STAT5B: variants seen among roughly 807,000 people sequenced by gnomAD.
STAT5B encodes transcription factor STAT5B.
STAT5B carries 21 observed loss-of-function variants against 107.8 expected under a neutral mutation model. The ratio of observed to expected loss-of-function variants is 0.19; its 90% CI spans 0.14 to 0.28. The LOEUF (loss-of-function observed/expected upper bound fraction) is 0.28, where lower values mean the gene tolerates loss of function less well. Among genes scored for constraint, STAT5B ranks in the 10% least tolerant of loss-of-function variants. STAT5B has a pLI of 1.00. For synonymous variants in STAT5B, 325 were observed against 401.7 expected, an observed-to-expected ratio of 0.81 and a Z score of 2.28; for missense variants, 565 against 1,008.2, an observed-to-expected ratio of 0.56 and a Z score of 5.95.
At position 42,227,589 on chromosome 17, in the gene STAT5B, C is replaced by T; in HGVS notation, c.225G>A (p.Gln75=). The change falls in exon 3 of 19, where the codon CAG becomes CAA. Residue 75 remains glutamine, a synonymous_variant. Transcript: ENST00000293328. ...VQELQKKAEH[Q]VGEDGFLLKI... ...TCAGTAAAAACCCATCTTCCCCCAC[C>T]TGGTGCTCTGCCTTCTTCTGCAGCT... 3 of 1,613,892 alleles carry T rather than the reference C, an allele frequency of 1.9e-6. No individual in the cohort carries two copies. Among genetic ancestry groups the T allele is most frequent in the East Asian group, 2.2e-5 (1 of 44,882 alleles).
At chr17:42,283,442 A>C in the STAT5B span, among the ~76,000 whole-genome samples, 1 of 152,194 alleles carries the variant, frequency 6.6e-6, no homozygotes, top group African/African-American at 2.4e-5. Context: ...TCCAGAAAGA[A>C]ACCGGCCTAC....
chr17:42,220,297 G>A lies in STAT5B; in HGVS notation c.551-455C>T, dbSNP rs544803602. ...AGATTCTCGGCACCTGCCTCAGTGG[G>A]GTGCATTAAGATTAAATACATGAGG... On this transcript the variant is annotated intron_variant, in intron 5 of 18. Coordinates refer to ENST00000293328, the MANE Select transcript of STAT5B (RefSeq NM_012448.4). 3.9e-3 allele frequency among the ~76,000 whole-genome samples: 593 copies of A among 152,314 alleles called. 2 individuals carry two copies. The highest frequency in any genetic ancestry group is 5.6e-3 in the Non-Finnish European group (384 of 68,036).
intron 1 of STAT5B, among the ~76,000 whole-genome samples, chr17:42,262,918 GTGTGTA>G (rs2080621352): frequency 5.2e-5 from 5 of 96,266 alleles, no homozygotes; most frequent in South Asian, 3.7e-4. Context: ...GTATATATAT[GTGTGTA>G]TATATATATG....
chr17:42,251,395 G>T (rs575814382), intron 1 of STAT5B, among the ~76,000 whole-genome samples: 1 of 152,090 alleles, frequency 6.6e-6, no homozygotes, highest in Non-Finnish European at 1.5e-5. Context: ...TTCCTTAAGG[G>T]GCTTCCATTA....
At chr17:42,260,986 A>G (rs1256362153) in intron 1 of STAT5B, among the ~76,000 whole-genome samples, 1 of 149,256 alleles carries the variant, frequency 6.7e-6, no homozygotes, top group Non-Finnish European at 1.5e-5. Flanking sequence ...GTGCAATCTC[A>G]GCTCACTGCA....
rs1215539231 is a variant in STAT5B, at chr17:42,276,045, C to T, written c.-11+203G>A. 6.6e-6 allele frequency among the ~76,000 whole-genome samples: 1 copy of T among 151,468 alleles called. No homozygotes were observed. The highest frequency in any genetic ancestry group is 1.5e-5 in the Non-Finnish European group (1 of 67,790). ...GTCCCCCTCGCGCACCCCGCATTGC[C>T]CTCAGCCTCCCCGGCAGCCAACCCG... On this transcript the variant is annotated intron_variant, in intron 1 of 18. Coordinates refer to ENST00000293328, the MANE Select transcript of STAT5B (RefSeq NM_012448.4). This position sits in a 1 kb window ranked among gnomAD's most constrained non-coding sequence, Gnocchi z 4.8.
At chr17:42,268,633 T>G (rs1000134836) in intron 1 of STAT5B, 6 of 152,112 alleles carry the variant, frequency 3.9e-5, no homozygotes, top group African/African-American at 1.4e-4. Flanking sequence ...TAGCTTTCCC[T>G]CACTTTCTAT....
At chr17:42,244,430 A>C (rs1281615633) in intron 1 of STAT5B, among the ~76,000 whole-genome samples, 1 of 151,880 alleles carries the variant, frequency 6.6e-6, no homozygotes, top group African/African-American at 2.4e-5. Context: ...TTTGTACTGT[A>C]ATTCAAGATC....
intron 3 of STAT5B, 70 bp from the exon 4 acceptor site, chr17:42,224,938 TGGGGAGCCTCCTGA>T: frequency 6.5e-7 from 1 of 1,528,610 alleles, no homozygotes; most frequent in East Asian, 2.3e-5. Context: ...TGCCTCAGGA[TGGGGAGCCTCCTGA>T]GGGACCTCCT....
the STAT5B span, among the ~76,000 whole-genome samples, chr17:42,284,511 C>A: frequency 6.6e-6 from 1 of 152,232 alleles, no homozygotes; most frequent in Non-Finnish European, 1.5e-5. Flanking sequence ...AGGTGATGCA[C>A]CCGCCTCAGC....
chr17:42,238,485 C>T (rs1456212697), intron 1 of STAT5B, among the ~76,000 whole-genome samples: 4 of 131,624 alleles, frequency 3.0e-5, no homozygotes, highest in Non-Finnish European at 4.7e-5. Flanking sequence ...GGCAGAGTCT[C>T]GTTCTGTCAC....
chr17:42,247,215 C>A (rs1310337032), intron 1 of STAT5B, among the ~76,000 whole-genome samples: 2 of 152,188 alleles, frequency 1.3e-5, no homozygotes, highest in African/African-American at 4.8e-5. Context: ...CTTCACCCAA[C>A]CATCTCTGCC....
chr17:42,218,111 G>A, intron 9 of STAT5B, 40 bp downstream of exon 9: 1 of 1,603,802 alleles, frequency 6.2e-7, no homozygotes, highest in Non-Finnish European at 8.5e-7. Flanking sequence ...GCCAGGACAT[G>A]AGACAAGTAG....
At chr17:42,250,752 A>G (rs1009212218) in intron 1 of STAT5B, among the ~76,000 whole-genome samples, 1 of 151,732 alleles carries the variant, frequency 6.6e-6, no homozygotes, top group African/African-American at 2.4e-5. Flanking sequence ...GTGAAACCCC[A>G]TCTCTACTAA....
intron 1 of STAT5B, among the ~76,000 whole-genome samples, chr17:42,244,254 ATT>A (rs556581450): frequency 4.1e-4 from 54 of 131,954 alleles, no homozygotes; most frequent in Admixed American, 7.6e-4. Context: ...TGCCCGGCTA[ATT>A]TTTTTTTTTT....
chr17:42,258,305 G>C (rs765769639), intron 1 of STAT5B, among the ~76,000 whole-genome samples: 5 of 152,214 alleles, frequency 3.3e-5, no homozygotes, highest in Non-Finnish European at 7.3e-5. Flanking sequence ...ATTTGGCTTA[G>C]ATGTCAGGCA....
intron 1 of STAT5B, among the ~76,000 whole-genome samples, chr17:42,260,799 TAAGA>T (rs1450192004): frequency 6.6e-6 from 1 of 152,164 alleles, no homozygotes; most frequent in African/African-American, 2.4e-5. Flanking sequence ...TGATACAGAC[TAAGA>T]AAATTACAAT....
At chr17:42,226,319 C>T (rs2080271781) in intron 3 of STAT5B, among the ~76,000 whole-genome samples, 1 of 152,090 alleles carries the variant, frequency 6.6e-6, no homozygotes, top group African/African-American at 2.4e-5. Flanking sequence ...ATTAAAGAGA[C>T]ATGATGACTA....
At chr17:42,267,829 C>CA (rs775413412) in intron 1 of STAT5B, among the ~76,000 whole-genome samples, 3 of 151,812 alleles carry the variant, frequency 2.0e-5, no homozygotes, top group Non-Finnish European at 2.9e-5. Flanking sequence ...CGTGGTGGCA[C>CA]ACGCCTGTAA....
Sources: gnomAD v4.1 joint callset for allele counts (sites outside exome capture counted in the v4.1 genomes callset) on GRCh38, gnomAD v4.1.1 for gene constraint, Gnocchi (gnomAD v3.1) non-coding constraint, MANE v1.5 for transcripts, NCBI Gene and HGNC (gene_info 2026-07-23, HGNC 2026-07-21) for gene names.